ELF2: variants seen among roughly 807,000 people sequenced by gnomAD.
The protein encoded by ELF2 is ETS-related transcription factor Elf-2.
In ELF2, 11 loss-of-function variants were observed where a neutral mutation model predicts 54.8. That is an observed-to-expected ratio of 0.20 (90% CI 0.13 to 0.33). The LOEUF (loss-of-function observed/expected upper bound fraction) is 0.33. Ranked by LOEUF, ELF2 falls within the 10% of genes least tolerant of loss-of-function variation. The pLI, the probability that ELF2 is intolerant of heterozygous loss-of-function variation, is 1.00. For synonymous variants in ELF2, 203 were observed against 245.1 expected (o/e 0.83, Z 1.61); for missense variants, 513 against 703.0 (o/e 0.73, Z 3.06).
intron 1 of ELF2, among the ~76,000 whole-genome samples, chr4:139,153,474 A>G (rs186677656): frequency 1.3e-5 from 2 of 151,998 alleles, no homozygotes; most frequent in Admixed American, 1.3e-4. Flanking sequence ...AAATAAAGGG[A>G]AAAAAATCTT....
At chr4:139,064,350 A>G (rs1385742005) in intron 7 of ELF2, among the ~76,000 whole-genome samples, 1 of 152,220 alleles carries the variant, frequency 6.6e-6, no homozygotes, top group East Asian at 1.9e-4. Context: ...CTGAGACGAA[A>G]AAGATAGGTC....
At chr4:139,069,231 T>C (rs1336148527) in intron 6 of ELF2, among the ~76,000 whole-genome samples, 1 of 152,202 alleles carries the variant, frequency 6.6e-6, no homozygotes, top group African/African-American at 2.4e-5. Flanking sequence ...AGATTTCTGA[T>C]GTCACTCTAT....
At chr4:139,062,673 AAATTT>A (rs1728052556) in intron 7 of ELF2, among the ~76,000 whole-genome samples, 1 of 152,256 alleles carries the variant, frequency 6.6e-6, no homozygotes, top group Admixed American at 6.5e-5. Flanking sequence ...TAAACTGAAT[AAATTT>A]ATTTACACCT....
At chr4:139,084,459 CGGCTGT>C (rs1260963219) in intron 4 of ELF2, 12 of 1,150,502 alleles carry the variant, frequency 1.0e-5, no homozygotes, top group Admixed American at 9.8e-5. Context: ...GCGGCGGCGG[CGGCTGT>C]GGCTGTGGCG....
chr4:139,171,132 A>C (rs1742268921), intron 1 of ELF2, among the ~76,000 whole-genome samples: 1 of 152,210 alleles, frequency 6.6e-6, no homozygotes, highest in African/African-American at 2.4e-5. Context: ...TCATGCTTGT[A>C]ATCCCAGCAC....
chr4:139,152,371 G>A (rs114511805), intron 1 of ELF2, among the ~76,000 whole-genome samples: 3,642 of 150,310 alleles, frequency 0.024, 147 homozygotes, highest in African/African-American at 0.084. Context: ...ATCTCACTCT[G>A]TTGCCCAGGC....
chr4:139,064,228 A>G (rs958636170), intron 7 of ELF2, among the ~76,000 whole-genome samples: 36 of 152,342 alleles, frequency 2.4e-4, no homozygotes, highest in Admixed American at 2.2e-3. Context: ...GAATCCCTTG[A>G]ACCCAGGAGG....
intron 8 of ELF2, 152 bp downstream of exon 8, chr4:139,061,713 C>T (rs1302804178): frequency 1.3e-6 from 1 of 776,240 alleles, no homozygotes; most frequent in East Asian, 2.8e-5. Context: ...AAACTCCTAT[C>T]TCCCCACCTA....
Position 139,060,581 on chromosome 4 carries a change from A to G in ELF2, c.900T>C (p.Asp300=). Residue 300 remains aspartate, a synonymous_variant, in exon 9 of 10, where the codon GAT becomes GAC. Coordinates refer to ENST00000686138, the MANE Select transcript of ELF2 (RefSeq NM_001331036.3). Reference sequence around the variant, plus strand: ...CATTACAGGTTTCACTTTTGTCATCATCTATGACCACTATGTTTTTCGGCA... The same window carrying G: ...CATTACAGGTTTCACTTTTGTCATCGTCTATGACCACTATGTTTTTCGGCA... The part of the protein sequence containing the change: ...KDMPKNIVVI[D]DDKSETCNED... 1 of 1,614,140 alleles carries G rather than the reference A, an allele frequency of 6.2e-7. No homozygotes were observed. The highest frequency in any genetic ancestry group is 8.5e-7 in the Non-Finnish European group (1 of 1,180,042).
At chr4:139,086,409 A>T (rs889963583) in intron 4 of ELF2, among the ~76,000 whole-genome samples, 6 of 152,240 alleles carry the variant, frequency 3.9e-5, no homozygotes, top group Non-Finnish European at 7.3e-5. Flanking sequence ...GACAATAGTT[A>T]CAGAAGTGCA....
At chr4:139,170,773 C>G (rs1483555785) in intron 1 of ELF2, among the ~76,000 whole-genome samples, 2 of 147,584 alleles carry the variant, frequency 1.4e-5, no homozygotes, top group Non-Finnish European at 3.0e-5. Flanking sequence ...TGAGACAGAG[C>G]CTTGCTCTGT....
At chr4:139,167,254 G>C (rs894312762) in intron 1 of ELF2, among the ~76,000 whole-genome samples, 1 of 152,212 alleles carries the variant, frequency 6.6e-6, no homozygotes, top group African/African-American at 2.4e-5. Flanking sequence ...ATTTAAGAAT[G>C]TGCACACAAT....
chr4:139,173,290 CTAAT>C (rs887515033), intron 1 of ELF2, among the ~76,000 whole-genome samples: 1 of 151,920 alleles, frequency 6.6e-6, no homozygotes, highest in Non-Finnish European at 1.5e-5. Flanking sequence ...AAGTCAAAAG[CTAAT>C]TTATTAAAAA....
At position 139,071,951 on chromosome 4, in the gene ELF2, C is replaced by G; in HGVS notation, c.441G>C (p.Glu147Asp). 6.2e-7 allele frequency: 1 copy of G among 1,613,868 alleles called. No individual in the cohort carries two copies. Among genetic ancestry groups the G allele is most frequent in the Non-Finnish European group, 8.5e-7 (1 of 1,179,962 alleles). Reference protein sequence around the residue: ...RPDVITETVVEVSTEESEPMD... With the variant: ...RPDVITETVVDVSTEESEPMD... ...TGGGTTCAGACTCTTCAGTTGACAC[C>G]TCCACTACAGTTTCTGTAATGACAT... Residue 147 changes from glutamate to aspartate, a missense_variant, in exon 6 of 10, where the codon GAG becomes GAC. This residue lies in a region of ELF2 where 203 missense variants were observed against 245.9 expected (regional missense o/e 0.83). Coordinates refer to ENST00000686138, the MANE Select transcript of ELF2 (RefSeq NM_001331036.3).
chr4:139,105,532 A>T (rs188663008), intron 4 of ELF2, among the ~76,000 whole-genome samples: 1 of 152,232 alleles, frequency 6.6e-6, no homozygotes, highest in Non-Finnish European at 1.5e-5. Flanking sequence ...AATTTTAACA[A>T]TGGCAGAAAC....
At chr4:139,146,290 T>C (rs564694068) in intron 1 of ELF2, among the ~76,000 whole-genome samples, 4 of 152,096 alleles carry the variant, frequency 2.6e-5, no homozygotes, top group Non-Finnish European at 5.9e-5. Context: ...CAAAAATATA[T>C]ATAAAATACC....
chr4:139,121,121 T>C, intron 4 of ELF2, among the ~76,000 whole-genome samples: 1 of 112,734 alleles, frequency 8.9e-6, no homozygotes, highest in Non-Finnish European at 1.9e-5. Flanking sequence ...TTTTTTTTTT[T>C]TTTTTGAGAC....
intron 4 of ELF2, chr4:139,115,341 ACGCCG>A: frequency 7.2e-7 from 1 of 1,391,284 alleles, no homozygotes; most frequent in Non-Finnish European, 9.3e-7. Context: ...GGGGTCGCCA[ACGCCG>A]CGCCCCCCGC....
rs140011302 is a variant in ELF2 at position 139,107,563 on chromosome 4, TAAC to T, written c.238+17598_238+17600del. On this transcript the variant is annotated intron_variant, in intron 4 of 9. Transcript: ENST00000686138. The stretch of plus-strand genomic sequence containing the variant: ...AACTAAAACACAACACCAAGGGTAA[TAAC>T]AATCAACAGCTAATAACTATAGTTA... Among the ~76,000 whole-genome samples, 35 of 152,120 alleles carry T rather than the reference TAAC, an allele frequency of 2.3e-4. No homozygotes were observed. The East Asian group carries it at 6.6e-3, about 29-fold the overall frequency.
Sources: gnomAD v4.1 joint callset for allele counts (sites outside exome capture counted in the v4.1 genomes callset) on GRCh38, gnomAD v4.1.1 for gene constraint, gnomAD v4.1.1 regional missense constraint, MANE v1.5 for transcripts, NCBI Gene and HGNC (gene_info 2026-07-23, HGNC 2026-07-21) for gene names.